Variants in MRTFB observed in about 807,000 individuals in gnomAD.
MRTFB encodes the protein myocardin-related transcription factor B.
MRTFB carries 29 observed loss-of-function variants against 104.2 expected under a neutral mutation model. The ratio of observed to expected loss-of-function variants is 0.28; its 90% CI spans 0.21 to 0.38. The LOEUF (loss-of-function observed/expected upper bound fraction) is 0.38, where lower values mean the gene tolerates loss of function less well. Ranked by LOEUF, MRTFB falls within the 10% of genes least tolerant of loss-of-function variation. The pLI is 1.00. For missense variants in MRTFB, 1,270 were observed against 1,341.6 expected (o/e 0.95, Z 0.83); for synonymous variants, 535 against 519.5 (o/e 1.03, Z -0.41).
At position 14,245,609 on chromosome 16, in the gene MRTFB, T is replaced by G. The variant is rs778261310; in HGVS notation, c.1161T>G (p.Ser387=). Reference sequence around the variant, plus strand: ...CTAACACACCAAGACAGAATACATCTACTCCTGTGAGAAAGCCAGGACCTC... The same window carrying G: ...CTAACACACCAAGACAGAATACATCGACTCCTGTGAGAAAGCCAGGACCTC... The part of the protein sequence containing the change: ...ATPNTPRQNT[S]TPVRKPGPLP... Residue 387 remains serine, a synonymous_variant, in exon 11 of 17, where the codon TCT becomes TCG. Coordinates refer to ENST00000571589, the MANE Select transcript of MRTFB (RefSeq NM_001308142.2). 2 of 1,614,116 alleles carry G rather than the reference T, an allele frequency of 1.2e-6. No individual in the cohort carries two copies. Among genetic ancestry groups the G allele is most frequent in the Non-Finnish European group, 1.7e-6 (2 of 1,180,002 alleles).
chr16:14,226,755 C>T (rs1361836071), intron 8 of MRTFB, among the ~76,000 whole-genome samples: 1 of 151,846 alleles, frequency 6.6e-6, no homozygotes, highest in African/African-American at 2.4e-5. Flanking sequence ...CAGGAGGATC[C>T]CTTGAGGCCA....
At position 14,262,839 on chromosome 16, in the gene MRTFB, T is replaced by C. The variant is rs764713738; in HGVS notation, c.*1395T>C. 5 of 152,216 alleles carry C rather than the reference T, an allele frequency of 3.3e-5. No homozygotes were observed. Among genetic ancestry groups the C allele is most frequent in the Non-Finnish European group, 7.3e-5 (5 of 68,028 alleles). 9.4% of individuals were successfully genotyped at this position (152,216 alleles called of 1,614,324 possible). ...AAAGAGCATGGAGATTTTTCTTAAA[T>C]AATAATATTGTGCTCTCCACCTCAC... On this transcript the variant is annotated 3_prime_UTR_variant, in exon 17 of 17. Transcript: ENST00000571589.
At chr16:14,000,682 G>T in the MRTFB span, among the ~76,000 whole-genome samples, 1 of 152,194 alleles carries the variant, frequency 6.6e-6, no homozygotes, top group Non-Finnish European at 1.5e-5. Flanking sequence ...TCCTGGGGGT[G>T]GCGTTCACAT....
chr16:13,998,149 A>G, the MRTFB span, among the ~76,000 whole-genome samples: 1 of 152,184 alleles, frequency 6.6e-6, no homozygotes, highest in African/African-American at 2.4e-5. Context: ...GTGTGGCTAC[A>G]ACTCAGCAAG....
chr16:14,242,959 T>A (rs1375906595), intron 10 of MRTFB, among the ~76,000 whole-genome samples: 1 of 152,018 alleles, frequency 6.6e-6, no homozygotes, highest in Non-Finnish European at 1.5e-5. Flanking sequence ...GCAGGGAGAC[T>A]ACTCTTACGT....
the MRTFB span, among the ~76,000 whole-genome samples, chr16:14,056,323 C>T: frequency 6.6e-6 from 1 of 151,830 alleles, no homozygotes; most frequent in East Asian, 1.9e-4. Flanking sequence ...CTCCTTCTTT[C>T]CTCCTTTCCT....
the MRTFB span, among the ~76,000 whole-genome samples, chr16:14,037,100 G>A: frequency 6.6e-6 from 1 of 152,120 alleles, no homozygotes; most frequent in South Asian, 2.1e-4. Flanking sequence ...AGATGTGGCC[G>A]ATGGGCCACC....
At chr16:14,217,376 A>G in intron 7 of MRTFB, 89 bp downstream of exon 7, 1 of 1,086,516 alleles carries the variant, frequency 9.2e-7, no homozygotes, top group South Asian at 2.2e-5. Flanking sequence ...GCTAGCACCG[A>G]TCGTGAGTAT....
chr16:14,252,143 G>T (rs8053995), intron 14 of MRTFB, 120 bp downstream of exon 14: 32,490 of 1,273,490 alleles, frequency 0.026, 1,784 homozygotes, highest in African/African-American at 0.21. Flanking sequence ...TGAAAATACA[G>T]TGATAACTTG....
At position 14,260,953 on chromosome 16, in the gene MRTFB, A is replaced by G; in HGVS notation, c.2809A>G (p.Met937Val). 1.2e-6 allele frequency: 2 copies of G among 1,613,704 alleles called. No homozygotes were observed. Among genetic ancestry groups the G allele is most frequent in the Non-Finnish European group, 1.7e-6 (2 of 1,179,766 alleles). ...AGAAGAACCTTCTCCTATTTCCAAAATGAGACCAGTGACAGCCAGCATCAC... is the reference window on the plus strand; with the variant it reads ...AGAAGAACCTTCTCCTATTTCCAAAGTGAGACCAGTGACAGCCAGCATCAC... ...IKEEPSPISK[M>V]RPVTASITTM... Residue 937 changes from methionine to valine, a missense_variant, in exon 17 of 17, where the codon ATG (methionine) becomes GTG (valine). Transcript: ENST00000571589.
intron 15 of MRTFB, among the ~76,000 whole-genome samples, chr16:14,255,489 A>T (rs1457423480): frequency 6.6e-6 from 1 of 152,250 alleles, no homozygotes; most frequent in Non-Finnish European, 1.5e-5. Context: ...TTTAGGGAGG[A>T]AGAAGTGGAA....
intron 2 of MRTFB, among the ~76,000 whole-genome samples, chr16:14,129,628 T>C (rs576339271): frequency 1.2e-4 from 18 of 152,342 alleles, no homozygotes; most frequent in African/African-American, 4.1e-4. Flanking sequence ...CCAGCCTGTT[T>C]TCCAAAGTAG....
At position 14,247,412 on chromosome 16, in the gene MRTFB, C is replaced by G; in HGVS notation, c.2152C>G (p.Leu718Val). The G allele has an allele frequency of 6.2e-7, 1 of 1,612,412 alleles. No homozygotes were observed. The highest frequency in any genetic ancestry group is 1.1e-5 in the South Asian group (1 of 91,058). Residue 718 changes from leucine (L) to valine (V), a missense_variant, in exon 12 of 17, where the codon CTG becomes GTG. Transcript: ENST00000571589. The part of the protein sequence containing the change: ...PAVVAQPQAL[L>V]TTQTAQLLLP... ...TGTTGTTGCTCAGCCCCAGGCTTTA[C>G]TGACCACGCAGACTGCTCAGCTGCT...
chr16:14,076,972 T>C (rs2034100675), intron 1 of MRTFB, among the ~76,000 whole-genome samples: 1 of 152,242 alleles, frequency 6.6e-6, no homozygotes, highest in African/African-American at 2.4e-5. Flanking sequence ...CACATTTTTC[T>C]TTTGGATTGC....
chr16:14,051,641 G>A, the MRTFB span, among the ~76,000 whole-genome samples: 4 of 151,294 alleles, frequency 2.6e-5, no homozygotes, highest in Non-Finnish European at 4.4e-5. Context: ...AAACACACTC[G>A]TATAGACACA....
rs982475778 is a variant in MRTFB, at chr16:14,210,440, A to G, written c.220+132A>G. The G allele has an allele frequency of 7.9e-6, 5 of 629,760 alleles. No individual in the cohort carries two copies. The African/African-American group carries it at 9.2e-5, about 12-fold the overall frequency. 39.0% of individuals were successfully genotyped at this position (629,760 alleles called of 1,614,324 possible). On this transcript the variant is annotated intron_variant, in intron 4 of 16. Transcript: ENST00000571589. ...CAAACAATTACCAAATGAATTTCCAAGGAAAAATCAGGCACCTAAGTGAAT... is the reference window on the plus strand; with the variant it reads ...CAAACAATTACCAAATGAATTTCCAGGGAAAAATCAGGCACCTAAGTGAAT...
chr16:14,099,789 T>C lies in MRTFB; in HGVS notation c.-64+20435T>C, dbSNP rs1484045690. Among the ~76,000 whole-genome samples the C allele has an allele frequency of 2.6e-5, 4 of 151,874 alleles. No individual in the cohort carries two copies. The East Asian group carries it at 7.7e-4, about 29-fold the overall frequency. On this transcript the variant is annotated intron_variant, in intron 2 of 16. Coordinates refer to ENST00000571589, the MANE Select transcript of MRTFB (RefSeq NM_001308142.2). Reference sequence around the variant, plus strand: ...TTCCAGCAATTCTCCTGCCTCAGCCTCCCAGGTAGCTGGGATTACAGGCAC... The same window carrying C: ...TTCCAGCAATTCTCCTGCCTCAGCCCCCCAGGTAGCTGGGATTACAGGCAC...
chr16:14,246,463 G>C lies in MRTFB; in HGVS notation c.1213-10G>C. 6.2e-7 allele frequency: 1 copy of C among 1,612,150 alleles called. No homozygotes were observed. Among genetic ancestry groups the C allele is most frequent in the African/African-American group, 1.3e-5 (1 of 74,966 alleles). Reference sequence around the variant, plus strand: ...TAATACTAAGATATCTGCTTTGTTTGTACCTCCAGGTATCAGAACTGAAGA... The same window carrying C: ...TAATACTAAGATATCTGCTTTGTTTCTACCTCCAGGTATCAGAACTGAAGA... On this transcript the variant is annotated splice_polypyrimidine_tract_variant and intron_variant, in intron 11 of 16. Transcript: ENST00000571589.
chr16:14,072,452 T>TA (rs924997288), intron 1 of MRTFB, among the ~76,000 whole-genome samples: 7 of 152,056 alleles, frequency 4.6e-5, no homozygotes, highest in South Asian at 2.1e-4. Flanking sequence ...TTGTATTGGT[T>TA]AAAAAAAATT....
Sources: allele counts gnomAD v4.1 joint callset (sites outside exome capture counted in the v4.1 genomes callset), GRCh38; gene constraint gnomAD v4.1.1; transcripts MANE v1.5; gene names NCBI Gene and HGNC (gene_info 2026-07-23, HGNC 2026-07-21).